Variants in MFN1 observed in about 807,000 individuals in gnomAD.
The protein encoded by MFN1 is mitofusin-1.
In MFN1, 65 loss-of-function variants were observed where a neutral mutation model predicts 92.4. The observed-to-expected ratio is 0.70, with a 90% confidence interval of 0.58 to 0.86. The LOEUF is 0.86. Ranked by LOEUF, MFN1 falls within the 40% of genes least tolerant of loss-of-function variation. MFN1 has a pLI of 0.00. For synonymous variants in MFN1, 297 were observed against 300.9 expected (o/e 0.99, Z 0.13); for missense variants, 781 against 868.0 (o/e 0.90, Z 1.26).
chr3:179,391,840 T>A, intron 17 of MFN1, 141 bp from the exon 18 acceptor site: 1 of 568,052 alleles, frequency 1.8e-6, no homozygotes, highest in Non-Finnish European at 3.2e-6. Context: ...ACTTAGGATA[T>A]CCCGTGTAAG....
At chr3:179,355,639 A>G (rs1712319105) in intron 3 of MFN1, among the ~76,000 whole-genome samples, 1 of 152,104 alleles carries the variant, frequency 6.6e-6, no homozygotes, top group African/African-American at 2.4e-5. Context: ...GGGGAGAGGA[A>G]GAGGGACTAT....
chr3:179,373,100 T>C (rs1269280244), intron 9 of MFN1, among the ~76,000 whole-genome samples: 1 of 152,128 alleles, frequency 6.6e-6, no homozygotes, highest in Non-Finnish European at 1.5e-5. Flanking sequence ...TGGGAAAAAA[T>C]GAAGCTAGGC....
intron 14 of MFN1, among the ~76,000 whole-genome samples, chr3:179,379,833 A>G (rs548609296): frequency 6.6e-6 from 1 of 152,212 alleles, no homozygotes; most frequent in Non-Finnish European, 1.5e-5. Flanking sequence ...TATATGACCT[A>G]AAAGAAAGAA....
intron 16 of MFN1, among the ~76,000 whole-genome samples, chr3:179,389,501 G>A (rs1166845162): frequency 6.6e-6 from 1 of 152,062 alleles, no homozygotes. Context: ...AATGACACAT[G>A]CTTCATCTGT....
chr3:179,374,172 G>A (rs1468002083), intron 9 of MFN1, among the ~76,000 whole-genome samples: 3 of 151,156 alleles, frequency 2.0e-5, no homozygotes, highest in Non-Finnish European at 3.0e-5. Flanking sequence ...GCATAGTGGT[G>A]CATGCCTGTA....
chr3:179,362,330 T>G (rs778102031), intron 4 of MFN1, 28 bp from the exon 5 acceptor site: 70 of 1,553,194 alleles, frequency 4.5e-5, no homozygotes, highest in Non-Finnish European at 6.1e-5. Flanking sequence ...CAAGTGGAGT[T>G]TATTTTTTTC....
intron 3 of MFN1, among the ~76,000 whole-genome samples, chr3:179,357,807 G>A (rs1577002749): frequency 6.6e-6 from 1 of 152,288 alleles, no homozygotes; most frequent in East Asian, 1.9e-4. Context: ...AATACAGATA[G>A]GGCACAGCGG....
Position 179,356,324 on chromosome 3 carries a change from A to G in MFN1, c.249-2516A>G, listed in dbSNP as rs770718076. Among the ~76,000 whole-genome samples the G allele has an allele frequency of 3.3e-5, 5 of 152,250 alleles. No homozygotes were observed. In the East Asian group the frequency reaches 7.7e-4, roughly 23 times the overall value. On this transcript the variant is annotated intron_variant, in intron 3 of 17. Transcript: ENST00000471841. ...AACTCTTGAACATGATTGGACTTCC[A>G]GGTAACTAAACTCATGGTTACGCTG...
intron 7 of MFN1, among the ~76,000 whole-genome samples, chr3:179,365,742 G>C (rs1712762371): frequency 6.6e-6 from 1 of 152,052 alleles, no homozygotes; most frequent in South Asian, 2.1e-4. Context: ...AATCTTTCTG[G>C]TTGTTCAACT....
intron 9 of MFN1, among the ~76,000 whole-genome samples, chr3:179,372,082 T>G (rs527773312): frequency 2.0e-5 from 3 of 147,346 alleles, no homozygotes; most frequent in African/African-American, 4.9e-5. Flanking sequence ...ATATAATACA[T>G]ATATAAATAT....
chr3:179,389,052 A>G (rs1713800842), intron 16 of MFN1, among the ~76,000 whole-genome samples: 1 of 152,222 alleles, frequency 6.6e-6, no homozygotes, highest in Admixed American at 6.5e-5. Flanking sequence ...AGGAACGGTA[A>G]ACTGTTGCAG....
chr3:179,378,091 A>G (rs1713315061), intron 12 of MFN1: 1 of 413,078 alleles, frequency 2.4e-6, no homozygotes, highest in African/African-American at 2.1e-5. Context: ...AAGCATGGCG[A>G]CACGCTTCTA....
intron 14 of MFN1, among the ~76,000 whole-genome samples, chr3:179,382,641 C>T (rs1713515623): frequency 6.6e-6 from 1 of 152,194 alleles, no homozygotes; most frequent in African/African-American, 2.4e-5. Flanking sequence ...CCTGAGGAAT[C>T]ACCACACTGT....
intron 17 of MFN1, among the ~76,000 whole-genome samples, chr3:179,390,833 C>T (rs905351022): frequency 1.6e-4 from 25 of 152,216 alleles, no homozygotes; most frequent in African/African-American, 6.0e-4. Context: ...TGTGTAAGAA[C>T]AGCTTAGTAG....
At position 179,392,099 on chromosome 3, in the gene MFN1, A is replaced by G; in HGVS notation, c.*40A>G. 1 of 1,296,456 alleles carries G rather than the reference A, an allele frequency of 7.7e-7. No homozygotes were observed. Among genetic ancestry groups the G allele is most frequent in the Non-Finnish European group, 1.1e-6 (1 of 904,918 alleles). The allele number at this position is 1,296,456 out of a possible 1,614,324, so 80.3% of individuals were successfully genotyped here. The stretch of plus-strand genomic sequence containing the variant: ...TTGGTGACCATGATAGGAGGAAACG[A>G]AACTTGTAAGATTGGAACAGTTGTT... On this transcript the variant is annotated 3_prime_UTR_variant, in exon 18 of 18. Coordinates refer to ENST00000471841, the MANE Select transcript of MFN1 (RefSeq NM_033540.3).
chr3:179,368,260 G>A (rs1712884201), intron 9 of MFN1, among the ~76,000 whole-genome samples, 157 bp downstream of exon 9: 1 of 152,062 alleles, frequency 6.6e-6, no homozygotes, highest in African/African-American at 2.4e-5. Context: ...GTGAAGAAAA[G>A]GAGCCCCTGC....
chr3:179,364,044 T>A (rs568472686), intron 5 of MFN1, among the ~76,000 whole-genome samples: 1 of 152,296 alleles, frequency 6.6e-6, no homozygotes, highest in South Asian at 2.1e-4. Flanking sequence ...GCTTGAACCC[T>A]CATTGTTTAG....
At position 179,360,672 on chromosome 3, in the gene MFN1, T is replaced by C. The variant is rs185795150; in HGVS notation, c.411+1670T>C. ...ACTTTCTCTTGAGTCTAAAGATCTC[T>C]TCCACAAACACAAAAGTTCAGTGCT... On this transcript the variant is annotated intron_variant, in intron 4 of 17. Coordinates refer to ENST00000471841, the MANE Select transcript of MFN1 (RefSeq NM_033540.3). Among the ~76,000 whole-genome samples, 647 of 152,318 alleles carry C rather than the reference T, an allele frequency of 4.2e-3. 5 individuals carry two copies. The highest frequency in any genetic ancestry group is 0.015 in the African/African-American group (626 of 41,582).
intron 2 of MFN1, among the ~76,000 whole-genome samples, chr3:179,350,990 A>C (rs1322188297): frequency 4.6e-5 from 7 of 152,182 alleles, no homozygotes; most frequent in African/African-American, 1.7e-4. Context: ...CTTTTAGTAG[A>C]GATGGTGTTT....
Sources: gnomAD v4.1 joint callset for allele counts (sites outside exome capture counted in the v4.1 genomes callset) on GRCh38, gnomAD v4.1.1 for gene constraint, MANE v1.5 for transcripts, NCBI Gene and HGNC (gene_info 2026-07-23, HGNC 2026-07-21) for gene names.